MIOS: variants seen among roughly 807,000 people sequenced by gnomAD.
The protein encoded by MIOS is meiosis regulator for oocyte development, also known as GATOR2 complex protein MIOS.
Under a neutral mutation model 96.9 loss-of-function variants are expected in MIOS, and 52 were observed. That is an observed-to-expected ratio of 0.54 (90% confidence interval 0.43 to 0.68). MIOS has a LOEUF of 0.68. MIOS is among the 30% of genes least tolerant of loss of function. The probability of loss-of-function intolerance (pLI) is 0.00; values close to 1 mark genes in which losing one functional copy is unlikely to be tolerated. For missense variants in MIOS, 1,005 were observed against 1,052.8 expected (o/e 0.95, Z 0.63); for synonymous variants, 397 against 359.5 (o/e 1.10, Z -1.18).
chr7:7,587,066 A>G (rs1783911439), intron 7 of MIOS, among the ~76,000 whole-genome samples: 1 of 146,834 alleles, frequency 6.8e-6, no homozygotes, highest in Admixed American at 7.0e-5. Flanking sequence ...ACTGGAGTGC[A>G]GTGGTGCAAT....
At chr7:7,584,223 G>A (rs1011489771) in intron 6 of MIOS, among the ~76,000 whole-genome samples, 6 of 150,244 alleles carry the variant, frequency 4.0e-5, no homozygotes, top group African/African-American at 1.3e-4. Flanking sequence ...TGCTCAGATT[G>A]GCATCTTTTC....
intron 5 of MIOS, among the ~76,000 whole-genome samples, chr7:7,576,873 G>T (rs934996658): frequency 1.3e-5 from 2 of 152,108 alleles, no homozygotes; most frequent in Non-Finnish European, 2.9e-5. Context: ...TAGATAAAGG[G>T]GTGGAGAAGA....
intron 5 of MIOS, among the ~76,000 whole-genome samples, chr7:7,579,587 C>T (rs1388402595): frequency 6.6e-6 from 1 of 152,058 alleles, no homozygotes; most frequent in Non-Finnish European, 1.5e-5. Context: ...CTTCCCTGGG[C>T]CACAATGGAA....
rs1047162920 is a variant in MIOS, at chr7:7,572,916, C to A, written c.441C>A (p.Ile147=). The A allele has an allele frequency of 1.2e-6, 2 of 1,614,110 alleles. No individual in the cohort carries two copies. The highest frequency in any genetic ancestry group is 1.7e-6 in the Non-Finnish European group (2 of 1,179,990). The part of the protein sequence containing the change: ...RADFSVLIWD[I]CSKYTPDIVP... ...ACTTTTCAGTGCTAATATGGGATAT[C>A]TGCAGCAAATATACTCCTGATATAG... The change falls in exon 4 of 13, where the codon ATC becomes ATA. Residue 147 remains isoleucine, a synonymous_variant. Coordinates refer to ENST00000340080, the MANE Select transcript of MIOS (RefSeq NM_019005.4). The surrounding 1 kb of genome is among the most constrained non-coding windows in gnomAD (Gnocchi z 4.8).
At chr7:7,586,991 T>C (rs1200608402) in intron 7 of MIOS, among the ~76,000 whole-genome samples, 2 of 3,646 alleles carry the variant, frequency 5.5e-4, no homozygotes, top group East Asian at 0.023. Context: ...TCTTTCCCTT[T>C]TTTTTTTTTT....
intron 11 of MIOS, among the ~76,000 whole-genome samples, chr7:7,600,152 C>A (rs561087198): frequency 1.3e-5 from 2 of 151,474 alleles, no homozygotes; most frequent in East Asian, 1.9e-4. Flanking sequence ...TGCACATGTA[C>A]CCCTGAAACT....
chr7:7,580,583 C>A (rs1313743294), intron 5 of MIOS, among the ~76,000 whole-genome samples: 1 of 151,882 alleles, frequency 6.6e-6, no homozygotes, highest in Admixed American at 6.6e-5. Flanking sequence ...TACTAACATG[C>A]ATAATATTTT....
At chr7:7,574,408 G>C (rs1398689057) in intron 5 of MIOS, among the ~76,000 whole-genome samples, 1 of 152,012 alleles carries the variant, frequency 6.6e-6, no homozygotes, top group Non-Finnish European at 1.5e-5. Context: ...TTAATTCTCT[G>C]AAGTGATGTT....
chr7:7,568,367 A>C (rs1783225028), intron 3 of MIOS, among the ~76,000 whole-genome samples: 1 of 152,114 alleles, frequency 6.6e-6, no homozygotes, highest in African/African-American at 2.4e-5. Context: ...ATTTGTTAGG[A>C]TCTGAGCTGG....
chr7:7,600,517 C>A (rs893635746), intron 11 of MIOS, among the ~76,000 whole-genome samples: 3 of 152,166 alleles, frequency 2.0e-5, no homozygotes, highest in Admixed American at 6.5e-5. Context: ...GAAGAACTAA[C>A]TATCCTAAAT....
chr7:7,597,626 G>A (rs1784255266), intron 11 of MIOS, among the ~76,000 whole-genome samples: 1 of 150,368 alleles, frequency 6.7e-6, no homozygotes, highest in African/African-American at 2.4e-5. Context: ...TGTTACTCTG[G>A]TCCTAATAAA....
In MIOS at chr7:7,608,107, G is replaced by C; in HGVS notation, c.*1015G>C. 1 of 152,116 alleles carries C rather than the reference G, an allele frequency of 6.6e-6. No homozygotes were observed. Among genetic ancestry groups the C allele is most frequent in the Non-Finnish European group, 1.5e-5 (1 of 67,960 alleles). The allele number at this position is 152,116 out of a possible 1,614,324, so 9.4% of individuals were successfully genotyped here. ...TGGGGTCACTTCAGAGACCATTTTA[G>C]ATGTAAGTTTTTAAATGTAAGTGTT... is the stretch of plus-strand genomic sequence containing the variant. On this transcript the variant is annotated 3_prime_UTR_variant, in exon 13 of 13. Transcript: ENST00000340080.
At chr7:7,589,840 G>T (rs1461364580) in intron 9 of MIOS, among the ~76,000 whole-genome samples, 1 of 152,124 alleles carries the variant, frequency 6.6e-6, no homozygotes, top group African/African-American at 2.4e-5. Flanking sequence ...ACTCTCTTCA[G>T]TTTCTCCAAT....
In MIOS at chr7:7,594,993, A is replaced by G. The variant is rs752159473; in HGVS notation, c.2057A>G (p.Asp686Gly). ...SYCMLQGSPLDVLKDERVQYW... is the reference protein window; with the variant it reads ...SYCMLQGSPLGVLKDERVQYW... Reference sequence around the variant, plus strand: ...TTTTCGTTTTAGGGTTCACCTTTAGATGTTCTTAAAGATGAAAGGGTTCAG... The same window carrying G: ...TTTTCGTTTTAGGGTTCACCTTTAGGTGTTCTTAAAGATGAAAGGGTTCAG... Residue 686 changes from aspartate to glycine, a missense_variant, in exon 10 of 13, where the codon GAT (aspartate) becomes GGT (glycine). Asp to Gly is a moderately conservative substitution (Grantham distance 94, BLOSUM62 -1). Coordinates refer to ENST00000340080, the MANE Select transcript of MIOS (RefSeq NM_019005.4). 4 of 1,605,444 alleles carry G rather than the reference A, an allele frequency of 2.5e-6. No individual in the cohort carries two copies. Among genetic ancestry groups the G allele is most frequent in the Non-Finnish European group, 3.4e-6 (4 of 1,177,038 alleles).
At chr7:7,589,332 C>G (rs907241255) in intron 8 of MIOS, 73 bp from the exon 9 acceptor site, 49 of 1,330,664 alleles carry the variant, frequency 3.7e-5, no homozygotes, top group Non-Finnish European at 5.0e-5. Flanking sequence ...TGAAATTGTT[C>G]AAAATGTAGT....
At chr7:7,605,769 G>T (rs1386657400) in intron 11 of MIOS, 173 bp from the exon 12 acceptor site, 2 of 517,696 alleles carry the variant, frequency 3.9e-6, no homozygotes, top group Non-Finnish European at 6.4e-6. Context: ...AAATGTAGGG[G>T]AGCTTCTGTC....
rs910196369 is a variant in MIOS, at chr7:7,571,030, A to T, written c.-40-1406A>T. ...CAATTATGTTTGAGTTGAACTATTT[A>T]GTGTATCCTTATTAGGAGTCTATGC... On this transcript the variant is annotated intron_variant, in intron 3 of 12. Transcript: ENST00000340080. 2.0e-5 allele frequency among the ~76,000 whole-genome samples: 3 copies of T among 152,230 alleles called. 1 individual carries two copies. Among genetic ancestry groups the T allele is most frequent in the Non-Finnish European group, 4.4e-5 (3 of 68,042 alleles).
chr7:7,585,553 G>T, intron 6 of MIOS, 83 bp from the exon 7 acceptor site: 1 of 1,276,608 alleles, frequency 7.8e-7, no homozygotes, highest in Non-Finnish European at 1.0e-6. Flanking sequence ...GTCACCCTCT[G>T]ATTTCTATTT....
chr7:7,573,846 A>G lies in MIOS; in HGVS notation c.1294+77A>G. The stretch of plus-strand genomic sequence containing the variant: ...GAAGTTTGCCAAAAGGTCAGTCTGT[A>G]AATATGCTCAATGTTTTATATACAA... On this transcript the variant is annotated intron_variant, in intron 4 of 12. Coordinates refer to ENST00000340080, the MANE Select transcript of MIOS (RefSeq NM_019005.4). This position sits in a 1 kb window ranked among gnomAD's most constrained non-coding sequence, Gnocchi z 5.0. 1.6e-6 allele frequency: 2 copies of G among 1,277,238 alleles called. No homozygotes were observed. Among genetic ancestry groups the G allele is most frequent in the Non-Finnish European group, 2.2e-6 (2 of 922,448 alleles). 79.1% of individuals were successfully genotyped at this position (1,277,238 alleles called of 1,614,324 possible). A position where few individuals can be genotyped will look rare whatever the true frequency, so the allele number is the denominator to read the frequency against.
Sources: gnomAD v4.1 joint callset for allele counts (sites outside exome capture counted in the v4.1 genomes callset) on GRCh38, gnomAD v4.1.1 for gene constraint, Gnocchi (gnomAD v3.1) non-coding constraint, MANE v1.5 for transcripts, NCBI Gene and HGNC (gene_info 2026-07-23, HGNC 2026-07-21) for gene names.